MTUS2: variants seen among roughly 807,000 people sequenced by gnomAD.
MTUS2 encodes the protein microtubule associated scaffold protein 2.
Under a neutral mutation model 114.1 loss-of-function variants are expected in MTUS2, and 40 were observed. That is an observed-to-expected ratio of 0.35 (90% CI 0.27 to 0.46). The LOEUF (loss-of-function observed/expected upper bound fraction) is 0.46, where lower values mean the gene tolerates loss of function less well. MTUS2 is among the 20% of genes least tolerant of loss of function. The pLI is 1.00. For synonymous variants in MTUS2, 688 were observed against 672.0 expected (o/e 1.02, Z -0.37); for missense variants, 1,679 against 1,705.4 (o/e 0.98, Z 0.27).
At chr13:28,956,970 C>A (rs1883101562) in intron 2 of MTUS2, among the ~76,000 whole-genome samples, 1 of 151,190 alleles carries the variant, frequency 6.6e-6, no homozygotes, top group Non-Finnish European at 1.5e-5. Flanking sequence ...AAGAAGGCTG[C>A]CCTAGAGATA....
In MTUS2 at chr13:28,907,716, A is replaced by G. The variant is rs527522381; in HGVS notation, c.-243+67866A>G. Among the ~76,000 whole-genome samples the G allele has an allele frequency of 1.5e-3, 222 of 151,790 alleles. 5 individuals are homozygous for G. The highest frequency in any genetic ancestry group is 4.5e-3 in the African/African-American group (187 of 41,246). On this transcript the variant is annotated intron_variant, in intron 2 of 15. Transcript: ENST00000612955. ...AAAAAGAGCTAACTATCCTAAATAT[A>G]TATGCACCCAATACAGGAGCACCCA...
At chr13:29,125,250 C>A (rs574056713) in intron 5 of MTUS2, among the ~76,000 whole-genome samples, 1 of 152,192 alleles carries the variant, frequency 6.6e-6, no homozygotes, top group Non-Finnish European at 1.5e-5. Context: ...TGTTTACATC[C>A]AATAGTGGTA....
intron 3 of MTUS2, among the ~76,000 whole-genome samples, chr13:29,032,249 C>G (rs544596867): frequency 2.0e-5 from 3 of 152,106 alleles, no homozygotes; most frequent in African/African-American, 7.2e-5. Context: ...AAATGACAGG[C>G]ATTGAAGTTA....
chr13:29,011,629 T>C lies in MTUS2; in HGVS notation c.-242-12828T>C, dbSNP rs191237507. Reference sequence around the variant, plus strand: ...TGAGTTGGTTCCTAACTGAATAATATGGTTTTTCCTTTTTAATTTATTTTC... The same window carrying C: ...TGAGTTGGTTCCTAACTGAATAATACGGTTTTTCCTTTTTAATTTATTTTC... On this transcript the variant is annotated intron_variant, in intron 2 of 15. Coordinates refer to ENST00000612955, the MANE Select transcript of MTUS2 (RefSeq NM_001033602.4). Among the ~76,000 whole-genome samples, 16 of 152,328 alleles carry C rather than the reference T, an allele frequency of 1.1e-4. No homozygotes were observed. The East Asian group carries it at 2.9e-3, about 28-fold the overall frequency.
Position 29,004,621 on chromosome 13 carries a change from C to T in MTUS2, c.-242-19836C>T, listed in dbSNP as rs147857360. 1.4e-4 allele frequency among the ~76,000 whole-genome samples: 22 copies of T among 152,198 alleles called. No homozygotes were observed. In the East Asian group the frequency reaches 4.2e-3, roughly 29 times the overall value. On this transcript the variant is annotated intron_variant, in intron 2 of 15. Coordinates refer to ENST00000612955, the MANE Select transcript of MTUS2 (RefSeq NM_001033602.4). ...GACTATGTGTATCATCAGAAGTTGC[C>T]CAATATAATATTTTAGCATGTTAGT...
At chr13:28,941,685 A>G (rs1209137604) in intron 2 of MTUS2, among the ~76,000 whole-genome samples, 1 of 152,092 alleles carries the variant, frequency 6.6e-6, no homozygotes, top group Admixed American at 6.5e-5. Flanking sequence ...AAGGAGGACT[A>G]TTTTAATAGC....
At chr13:29,466,121 T>C (rs1879866886) in intron 9 of MTUS2, among the ~76,000 whole-genome samples, 1 of 152,222 alleles carries the variant, frequency 6.6e-6, no homozygotes, top group Non-Finnish European at 1.5e-5. Context: ...GGCCTGCCCT[T>C]TGGGAACAGG....
intron 2 of MTUS2, among the ~76,000 whole-genome samples, chr13:29,021,922 G>A (rs182767333): frequency 9.3e-4 from 142 of 152,318 alleles, no homozygotes; most frequent in African/African-American, 3.2e-3. Context: ...ACCAGGGGGT[G>A]CTACTGGCTT....
chr13:28,904,187 A>T (rs2137973529), intron 2 of MTUS2, among the ~76,000 whole-genome samples: 1 of 152,234 alleles, frequency 6.6e-6, no homozygotes, highest in East Asian at 1.9e-4. Context: ...TAGGTTGCGA[A>T]AATTTTCTCC....
chr13:29,502,757 C>T (rs1230620033), intron 15 of MTUS2, among the ~76,000 whole-genome samples: 3 of 152,236 alleles, frequency 2.0e-5, no homozygotes, highest in African/African-American at 7.2e-5. Flanking sequence ...CTCCCCTGAC[C>T]GGGCAGAGGG....
At chr13:28,879,655 C>T (rs949694369) in intron 2 of MTUS2, among the ~76,000 whole-genome samples, 1 of 152,106 alleles carries the variant, frequency 6.6e-6, no homozygotes, top group Non-Finnish European at 1.5e-5. Context: ...GGATATTTTG[C>T]TCTATCTGCT....
Position 29,034,068 on chromosome 13 carries a change from A to G in MTUS2, c.2389A>G (p.Ile797Val), listed in dbSNP as rs1441881223. 6 of 1,613,862 alleles carry G rather than the reference A, an allele frequency of 3.7e-6. No individual in the cohort carries two copies. In the African/African-American group the frequency reaches 5.3e-5, roughly 14 times the overall value. The stretch of plus-strand genomic sequence containing the variant: ...AAGTCAGAGGTCTTCAGCGAGCGCC[A>G]TCCACCCACCAGGACCCATAACAAC... ...IASQRSSASA[I>V]HPPGPITTAT... Residue 797 changes from isoleucine (I) to valine (V), a missense_variant, in exon 4 of 16, where the codon ATC becomes GTC. This residue lies in a region of MTUS2 where 822 missense variants were observed against 899.7 expected (regional missense o/e 0.91). Coordinates refer to ENST00000612955, the MANE Select transcript of MTUS2 (RefSeq NM_001033602.4).
intron 8 of MTUS2, among the ~76,000 whole-genome samples, chr13:29,365,043 A>G (rs977848275): frequency 2.0e-5 from 3 of 152,152 alleles, no homozygotes; most frequent in African/African-American, 4.8e-5. Flanking sequence ...AATGGTTCCT[A>G]TGGTTGTTGT....
intron 2 of MTUS2, among the ~76,000 whole-genome samples, chr13:28,912,078 A>G (rs984404054): frequency 6.6e-6 from 1 of 152,112 alleles, no homozygotes; most frequent in African/African-American, 2.4e-5. Flanking sequence ...ATCTTTGCCC[A>G]TGCCTGTGTC....
intron 10 of MTUS2, chr13:29,487,626 G>A: frequency 2.1e-6 from 1 of 482,154 alleles, no homozygotes; most frequent in Non-Finnish European, 3.8e-6. Flanking sequence ...GAAGGGGATG[G>A]TCCAGGAGCC....
At chr13:29,080,584 G>T (rs1441471676) in intron 4 of MTUS2, among the ~76,000 whole-genome samples, 2 of 152,198 alleles carry the variant, frequency 1.3e-5, no homozygotes, top group East Asian at 1.9e-4. Flanking sequence ...ACAAATGTAG[G>T]CTTGGAGGCT....
chr13:28,897,946 T>C (rs1379811423), intron 2 of MTUS2, among the ~76,000 whole-genome samples: 3 of 151,778 alleles, frequency 2.0e-5, no homozygotes, highest in African/African-American at 4.8e-5. Context: ...ATATACCTAA[T>C]GTTAAATGAC....
intron 9 of MTUS2, among the ~76,000 whole-genome samples, chr13:29,454,516 T>A (rs972805686): frequency 6.6e-6 from 1 of 152,190 alleles, no homozygotes; most frequent in Admixed American, 6.5e-5. Context: ...AAGAAATATG[T>A]CTCTTTGTAG....
At chr13:29,206,809 A>T (rs1321031471) in intron 5 of MTUS2, among the ~76,000 whole-genome samples, 1 of 152,126 alleles carries the variant, frequency 6.6e-6, no homozygotes, top group Non-Finnish European at 1.5e-5. Flanking sequence ...TGGTGACTGT[A>T]TCCTTATAGT....
Sources: gnomAD v4.1 joint callset for allele counts (sites outside exome capture counted in the v4.1 genomes callset) on GRCh38, gnomAD v4.1.1 for gene constraint, gnomAD v4.1.1 regional missense constraint, MANE v1.5 for transcripts, NCBI Gene and HGNC (gene_info 2026-07-23, HGNC 2026-07-21) for gene names.